NR3C1: variants seen among roughly 807,000 people sequenced by gnomAD.
The protein encoded by NR3C1 is nuclear receptor subfamily 3 group C member 1.
A neutral mutation model predicts 74.0 loss-of-function variants in NR3C1; 14 were observed. The observed-to-expected ratio is 0.19, with a 90% confidence interval of 0.12 to 0.30. The LOEUF is 0.30. NR3C1 is among the 10% of genes least tolerant of loss of function. The pLI is 1.00. For synonymous variants in NR3C1, 308 were observed against 332.5 expected (o/e 0.93, Z 0.80); for missense variants, 695 against 909.8 (o/e 0.76, Z 3.04).
rs1812652720 is a variant in NR3C1 at position 143,278,464 on chromosome 5, A to C, written c.*3425T>G. 1 of 152,198 alleles carries C rather than the reference A, an allele frequency of 6.6e-6. No homozygotes were observed. The highest frequency in any genetic ancestry group is 1.5e-5 in the Non-Finnish European group (1 of 68,022). The allele number at this position is 152,198 out of a possible 1,614,324, so 9.4% of individuals were successfully genotyped here. A position where few individuals can be genotyped will look rare whatever the true frequency, so the allele number is the denominator to read the frequency against. On this transcript the variant is annotated 3_prime_UTR_variant, in exon 9 of 9. Transcript: ENST00000394464. The stretch of plus-strand genomic sequence containing the variant: ...CAAATCCTTTCCTGAAAACCTGGTC[A>C]CTAATCCTGGGTGGACCAGGTTGCT...
intron 1 of NR3C1, chr5:143,402,487 G>A (rs767001704): frequency 3.5e-6 from 2 of 567,870 alleles, no homozygotes; most frequent in Non-Finnish European, 4.5e-6. Context: ...TTCTAAAAGG[G>A]GCCACTTAGA....
chr5:143,306,932 T>A (rs1819744895), intron 4 of NR3C1, among the ~76,000 whole-genome samples: 1 of 135,152 alleles, frequency 7.4e-6, no homozygotes, highest in Non-Finnish European at 1.5e-5. Context: ...AGTCTCGCTC[T>A]GTCGCCCAGG....
At chr5:143,339,693 T>C (rs1827833395) in intron 2 of NR3C1, among the ~76,000 whole-genome samples, 1 of 152,222 alleles carries the variant, frequency 6.6e-6, no homozygotes, top group Non-Finnish European at 1.5e-5. Context: ...TTTCACCCTA[T>C]CCTTCTCCTC....
chr5:143,300,430 TGCTGAAGAAAACACAAAG>T lies in NR3C1; in HGVS notation c.1747+37_1747+54del. The stretch of plus-strand genomic sequence containing the variant: ...GATGATATAAAAGCCAAAGTGTTTT[TGCTGAAGAAAACACAAAG>T]GTTTATATAGTTGCTCTTTTATGTT... On this transcript the variant is annotated intron_variant, in intron 5 of 8. Transcript: ENST00000394464. This position sits in a 1 kb window ranked among gnomAD's most constrained non-coding sequence, Gnocchi z 5.2. 1 of 1,608,926 alleles carries T rather than the reference TGCTGAAGAAAACACAAAG, an allele frequency of 6.2e-7. No individual in the cohort carries two copies. Among genetic ancestry groups the T allele is most frequent in the Admixed American group, 1.7e-5 (1 of 60,024 alleles).
At chr5:143,308,933 C>T (rs183575750) in intron 4 of NR3C1, among the ~76,000 whole-genome samples, 19 of 152,280 alleles carry the variant, frequency 1.2e-4, no homozygotes, top group African/African-American at 3.8e-4. Flanking sequence ...ACTACCTTCA[C>T]AGAACTTGCA....
At chr5:143,395,920 C>G (rs1327275223) in intron 2 of NR3C1, among the ~76,000 whole-genome samples, 1 of 151,846 alleles carries the variant, frequency 6.6e-6, no homozygotes, top group Non-Finnish European at 1.5e-5. Flanking sequence ...ACCCACATAT[C>G]CATTTCACTA....
At chr5:143,359,394 T>A (rs1421828369) in intron 2 of NR3C1, among the ~76,000 whole-genome samples, 1 of 152,196 alleles carries the variant, frequency 6.6e-6, no homozygotes, top group Non-Finnish European at 1.5e-5. Flanking sequence ...ACAATGAGTC[T>A]CTAGATTTTT....
chr5:143,313,367 C>A (rs1247312352), intron 3 of NR3C1, among the ~76,000 whole-genome samples: 1 of 152,154 alleles, frequency 6.6e-6, no homozygotes, highest in South Asian at 2.1e-4. Flanking sequence ...ATCAGTTTCT[C>A]TAAAATACCT....
intron 1 of NR3C1, among the ~76,000 whole-genome samples, chr5:143,414,461 A>G (rs1181755982): frequency 2.0e-5 from 3 of 152,200 alleles, no homozygotes; most frequent in Non-Finnish European, 4.4e-5. Flanking sequence ...TTAGCTCCAT[A>G]GGCCTGATGG....
chr5:143,418,670 C>T (rs1183919942), intron 1 of NR3C1, among the ~76,000 whole-genome samples: 1 of 152,102 alleles, frequency 6.6e-6, no homozygotes, highest in Non-Finnish European at 1.5e-5. Context: ...AGGCAGGGGT[C>T]AGGGAAGGCT....
At chr5:143,320,327 G>A (rs1178446168) in intron 2 of NR3C1, among the ~76,000 whole-genome samples, 1 of 152,178 alleles carries the variant, frequency 6.6e-6, no homozygotes, top group Non-Finnish European at 1.5e-5. Flanking sequence ...CATTTATTGA[G>A]AGAGGTTTGC....
chr5:143,432,581 T>C (rs1411928724), intron 1 of NR3C1, among the ~76,000 whole-genome samples: 1 of 152,178 alleles, frequency 6.6e-6, no homozygotes, highest in African/African-American at 2.4e-5. Context: ...GCAGGGACAC[T>C]CAAAATTGGT....
chr5:143,312,962 T>C (rs1452597263), intron 3 of NR3C1, among the ~76,000 whole-genome samples: 1 of 152,210 alleles, frequency 6.6e-6, no homozygotes, highest in Non-Finnish European at 1.5e-5. Flanking sequence ...TTGTAATCTT[T>C]GTGGTGTAAT....
chr5:143,403,477 TC>T lies in NR3C1; in HGVS notation c.-281del. 1 of 984,520 alleles carries T rather than the reference TC, an allele frequency of 1.0e-6. No homozygotes were observed. Among genetic ancestry groups the T allele is most frequent in the African/African-American group, 1.8e-5 (1 of 56,966 alleles). 61.0% of individuals were successfully genotyped at this position (984,520 alleles called of 1,614,324 possible). A position where few individuals can be genotyped will look rare whatever the true frequency, so the allele number is the denominator to read the frequency against. On this transcript the variant is annotated 5_prime_UTR_variant, in exon 1 of 9. Coordinates refer to ENST00000394464, the MANE Select transcript of NR3C1 (RefSeq NM_000176.3). ...TCCGGGCGCGCGTGCCCCGTCCCGGTCCCAGCTGCTTCGGCCGCTCCGGCTG... is the reference window on the plus strand; with the variant it reads ...TCCGGGCGCGCGTGCCCCGTCCCGGTCCAGCTGCTTCGGCCGCTCCGGCTG...
chr5:143,325,849 C>A (rs1407997072), intron 2 of NR3C1, among the ~76,000 whole-genome samples: 5 of 151,836 alleles, frequency 3.3e-5, no homozygotes, highest in Non-Finnish European at 7.4e-5. Context: ...CCTAGAAGAT[C>A]AAGGAGGAAA....
chr5:143,403,986 C>A, upstream of NR3C1: 1 of 984,868 alleles, frequency 1.0e-6, no homozygotes, highest in South Asian at 4.7e-5. Flanking sequence ...GGGGGCCGAC[C>A]TGGTCTCTCT....
At chr5:143,357,334 A>G (rs920163172) in intron 2 of NR3C1, among the ~76,000 whole-genome samples, 2 of 152,190 alleles carry the variant, frequency 1.3e-5, no homozygotes, top group African/African-American at 4.8e-5. Flanking sequence ...ATTTTAACCA[A>G]TGGGAAAAAG....
chr5:143,282,812 C>CT (rs1395960980), intron 7 of NR3C1, 87 bp from the exon 8 acceptor site: 2 of 1,416,622 alleles, frequency 1.4e-6, no homozygotes, highest in African/African-American at 2.9e-5. Flanking sequence ...TAGGGTCTCA[C>CT]TGTGTCATCC....
intron 2 of NR3C1, among the ~76,000 whole-genome samples, chr5:143,398,358 T>TTG (rs1839619080): frequency 5.2e-5 from 3 of 57,650 alleles, no homozygotes; most frequent in Non-Finnish European, 1.5e-4. Context: ...GTTTTTTGGT[T>TTG]TTTTTTTTTT....
Sources: allele counts gnomAD v4.1 joint callset (sites outside exome capture counted in the v4.1 genomes callset), GRCh38; gene constraint gnomAD v4.1.1; non-coding constraint Gnocchi (gnomAD v3.1); transcripts MANE v1.5; gene names NCBI Gene and HGNC (gene_info 2026-07-23, HGNC 2026-07-21).